MCM9: variants seen among roughly 807,000 people sequenced by gnomAD.
MCM9 encodes DNA helicase MCM9.
A neutral mutation model predicts 72.8 loss-of-function variants in MCM9; 55 were observed. The ratio of observed to expected loss-of-function variants is 0.76; its 90% confidence interval spans 0.61 to 0.95. The LOEUF (loss-of-function observed/expected upper bound fraction) is 0.95. Among genes scored for constraint, MCM9 ranks in the 40% least tolerant of loss-of-function variants. The pLI, the probability that MCM9 is intolerant of heterozygous loss-of-function variation, is 0.00. For synonymous variants in MCM9, 480 were observed against 503.4 expected, an observed-to-expected ratio of 0.95 and a Z score of 0.62; for missense variants, 1,279 against 1,377.0, an observed-to-expected ratio of 0.93 and a Z score of 1.13.
intron 8 of MCM9, among the ~76,000 whole-genome samples, chr6:118,862,192 C>T (rs1776949247): frequency 1.3e-5 from 2 of 152,336 alleles, no homozygotes; most frequent in East Asian, 1.9e-4. Flanking sequence ...TCCTGGGCCC[C>T]CAAGAGTGCA....
Position 118,924,117 on chromosome 6 carries a change from G to C in MCM9, c.315C>G (p.Val105=), listed in dbSNP as rs747062863. 1.2e-6 allele frequency: 2 copies of C among 1,612,652 alleles called. No individual in the cohort carries two copies. The highest frequency in any genetic ancestry group is 1.7e-5 in the Admixed American group (1 of 59,994). ...TGTGTTCCCTCACCAGCTCAGGACA[G>C]ACAGGCAAACCTGATGGAGAAAACA... ...NLHARISGLP[V]CPELVREHIP... Residue 105 remains valine, a synonymous_variant, in exon 4 of 14, where the codon GTC becomes GTG. Coordinates refer to ENST00000619706, the MANE Select transcript of MCM9 (RefSeq NM_017696.3).
Position 118,846,410 on chromosome 6 carries a change from GC to G in MCM9, c.1325+9960del, listed in dbSNP as rs1380605610. Among the ~76,000 whole-genome samples the G allele has an allele frequency of 7.2e-5, 11 of 151,998 alleles. 1 individual carries two copies. The highest frequency in any genetic ancestry group is 5.9e-4 in the Admixed American group (9 of 15,284). On this transcript the variant is annotated intron_variant, in intron 9 of 13. Transcript: ENST00000619706. ...GTGAAAGGAGGAGAAAGTAATGGGG[GC>G]CTCATGCTGGAGAACACAGATAAAA...
chr6:118,894,069 C>A, intron 8 of MCM9: 1 of 1,082,212 alleles, frequency 9.2e-7, no homozygotes, highest in Non-Finnish European at 1.1e-6. Context: ...GCAGGTGGAG[C>A]CGCAGTTAAA....
intron 9 of MCM9, among the ~76,000 whole-genome samples, chr6:118,848,423 T>C (rs1307497711): frequency 6.6e-6 from 1 of 151,842 alleles, no homozygotes; most frequent in Non-Finnish European, 1.5e-5. Flanking sequence ...CAGCCCACAA[T>C]CTGTTACAAT....
chr6:118,833,921 G>T (rs1774770599), intron 9 of MCM9, among the ~76,000 whole-genome samples: 1 of 152,134 alleles, frequency 6.6e-6, no homozygotes, highest in African/African-American at 2.4e-5. Flanking sequence ...TATATGTGCA[G>T]AATGTGCAGG....
At chr6:118,907,323 A>G in intron 8 of MCM9, 1 of 1,053,630 alleles carries the variant, frequency 9.5e-7, no homozygotes, top group South Asian at 1.5e-5. Flanking sequence ...AACATGAACC[A>G]TTTTATTAAG....
intron 9 of MCM9, 81 bp downstream of exon 9, chr6:118,856,290 T>C (rs1776547704): frequency 2.9e-6 from 4 of 1,372,076 alleles, no homozygotes; most frequent in Middle Eastern, 1.9e-4. Context: ...ACATACCTTA[T>C]AGCTCAACAA....
chr6:118,842,773 C>T (rs1302853875), intron 9 of MCM9, among the ~76,000 whole-genome samples: 1 of 152,118 alleles, frequency 6.6e-6, no homozygotes, highest in Non-Finnish European at 1.5e-5. Flanking sequence ...TCTGCCTCAG[C>T]CTCCCAAAGT....
At chr6:118,912,468 T>G (rs1342608563) in intron 7 of MCM9, 1 of 152,242 alleles carries the variant, frequency 6.6e-6, no homozygotes, top group Non-Finnish European at 1.5e-5. Flanking sequence ...TGACCAAGTT[T>G]CTTCAGCAAT....
At chr6:118,876,778 T>C (rs1777955324) in intron 8 of MCM9, among the ~76,000 whole-genome samples, 1 of 152,072 alleles carries the variant, frequency 6.6e-6, no homozygotes, top group African/African-American at 2.4e-5. Flanking sequence ...ACAGAATATA[T>C]AAAGAATTTG....
chr6:118,843,677 T>C (rs1227517727), intron 9 of MCM9, among the ~76,000 whole-genome samples: 7 of 88,552 alleles, frequency 7.9e-5, no homozygotes, highest in Admixed American at 1.3e-4. Flanking sequence ...TATGTATGTA[T>C]ATATATATGT....
At chr6:118,867,229 C>T (rs2114282351) in intron 8 of MCM9, among the ~76,000 whole-genome samples, 1 of 152,188 alleles carries the variant, frequency 6.6e-6, no homozygotes, top group Non-Finnish European at 1.5e-5. Context: ...AACATGAAGA[C>T]ATAAGAGAGT....
chr6:118,931,444 G>C lies in MCM9; in HGVS notation c.280C>G (p.Gln94Glu), dbSNP rs1469108154. 6.2e-7 allele frequency: 1 copy of C among 1,612,200 alleles called. No individual in the cohort carries two copies. Among genetic ancestry groups the C allele is most frequent in the Admixed American group, 1.7e-5 (1 of 59,996 alleles). The change falls in exon 3 of 14, where the codon CAG becomes GAG. Residue 94 changes from glutamine (Q) to glutamate (E), a missense_variant. Coordinates refer to ENST00000619706, the MANE Select transcript of MCM9 (RefSeq NM_017696.3). The stretch of plus-strand genomic sequence containing the variant: ...CCTGATATCCTGGCATGAAGATTCT[G>C]TTTCATGGAAACAGCCTCAGGCTGA... ...LSQPEAVSMKQNLHARISGLP... is the reference protein window; with the variant it reads ...LSQPEAVSMKENLHARISGLP...
chr6:118,924,829 G>T (rs1269680403), intron 3 of MCM9, among the ~76,000 whole-genome samples: 3 of 152,088 alleles, frequency 2.0e-5, no homozygotes, highest in Admixed American at 1.3e-4. Flanking sequence ...GAACCGCTGG[G>T]GCCCAGGAGT....
At chr6:118,828,270 CA>C in intron 10 of MCM9, 140 bp from the exon 11 acceptor site, 5 of 663,574 alleles carry the variant, frequency 7.5e-6, no homozygotes, top group Non-Finnish European at 7.7e-6. Context: ...GACTTGTCTG[CA>C]TAGCATACAA....
Position 118,895,482 on chromosome 6 carries a change from A to T in MCM9, c.1150+16168T>A, listed in dbSNP as rs566396412. 1.0e-3 allele frequency among the ~76,000 whole-genome samples: 156 copies of T among 152,344 alleles called. 1 individual carries two copies. The highest frequency in any genetic ancestry group is 3.4e-3 in the African/African-American group (143 of 41,576). On this transcript the variant is annotated intron_variant, in intron 8 of 13. Coordinates refer to ENST00000619706, the MANE Select transcript of MCM9 (RefSeq NM_017696.3). Reference sequence around the variant, plus strand: ...AAGACTTTCTTCAAGACCGTGTTGAAATCTAAAATAACTCCACATCCAAAT... The same window carrying T: ...AAGACTTTCTTCAAGACCGTGTTGATATCTAAAATAACTCCACATCCAAAT...
Position 118,932,654 on chromosome 6 carries a change from G to C in MCM9, c.-63C>G. On this transcript the variant is annotated 5_prime_UTR_variant, in exon 2 of 14. Transcript: ENST00000619706. ...TTCTGACATGAATAATTAACAGACT[G>C]TCCTTAGAAATTCATACTTGGAAGT... 2 of 978,988 alleles carry C rather than the reference G, an allele frequency of 2.0e-6. No homozygotes were observed. The highest frequency in any genetic ancestry group is 2.4e-6 in the Non-Finnish European group (2 of 824,120). The allele number at this position is 978,988 out of a possible 1,614,324, so 60.6% of individuals were successfully genotyped here.
intron 8 of MCM9, among the ~76,000 whole-genome samples, chr6:118,901,858 T>C (rs901263252): frequency 1.7e-4 from 26 of 152,208 alleles, no homozygotes; most frequent in Admixed American, 4.6e-4. Context: ...CTCTGTTTTC[T>C]CACTTCACAG....
At chr6:118,912,059 T>A (rs1290223914) in intron 7 of MCM9, 1 of 187,430 alleles carries the variant, frequency 5.3e-6, no homozygotes, top group African/African-American at 2.3e-5. Context: ...TGGCTCACAC[T>A]TGTAATCCCA....
Sources: allele counts gnomAD v4.1 joint callset (sites outside exome capture counted in the v4.1 genomes callset), GRCh38; gene constraint gnomAD v4.1.1; transcripts MANE v1.5; gene names NCBI Gene and HGNC (gene_info 2026-07-23, HGNC 2026-07-21).